DLAT: variants seen among roughly 807,000 people sequenced by gnomAD.
DLAT encodes dihydrolipoamide S-acetyltransferase.
Under a neutral mutation model 68.0 loss-of-function variants are expected in DLAT, and 43 were observed. The ratio of observed to expected loss-of-function variants is 0.63; its 90% CI spans 0.50 to 0.81. DLAT has a LOEUF of 0.81. DLAT is among the 40% of genes least tolerant of loss of function. DLAT has a pLI of 0.00. For missense variants in DLAT, 745 were observed against 815.4 expected, an observed-to-expected ratio of 0.91 and a Z score of 1.05; for synonymous variants, 265 against 288.6, an observed-to-expected ratio of 0.92 and a Z score of 0.83.
At chr11:112,060,488 CTT>C (rs1158902768) in intron 12 of DLAT, among the ~76,000 whole-genome samples, 3 of 151,760 alleles carry the variant, frequency 2.0e-5, no homozygotes, top group African/African-American at 7.3e-5. Flanking sequence ...GAGTCTCACT[CTT>C]GTCACCCAGG....
At chr11:112,028,421 A>T in intron 2 of DLAT, 94 bp from the exon 3 acceptor site, 1 of 60,560 alleles carries the variant, frequency 1.7e-5, no homozygotes, top group Non-Finnish European at 2.9e-5. Context: ...TCTGTGTCTC[A>T]AAAAAAAAAA....
intron 2 of DLAT, among the ~76,000 whole-genome samples, chr11:112,027,243 G>T (rs1196004712): frequency 6.7e-6 from 1 of 149,626 alleles, no homozygotes; most frequent in African/African-American, 2.5e-5. Flanking sequence ...GGGAAGAGAC[G>T]CTCCTCACCT....
intron 5 of DLAT, among the ~76,000 whole-genome samples, chr11:112,036,199 G>GGT (rs1862749201): frequency 1.9e-5 from 1 of 51,898 alleles, no homozygotes; most frequent in Admixed American, 3.1e-4. Context: ...GTGTGTGTGT[G>GGT]TGTTTTTTTT....
At chr11:112,025,842 C>A in intron 1 of DLAT, 91 bp downstream of exon 1, 1 of 1,500,042 alleles carries the variant, frequency 6.7e-7, no homozygotes. Context: ...CTCACTGATC[C>A]TCCACCCATT....
chr11:112,053,753 CTTAAACACAGCTT>C (rs1352250181), intron 11 of DLAT, among the ~76,000 whole-genome samples: 3 of 152,150 alleles, frequency 2.0e-5, no homozygotes, highest in Non-Finnish European at 4.4e-5. Flanking sequence ...ACGCCCAGCC[CTTAAACACAGCTT>C]TTAAACTATT....
intron 4 of DLAT, chr11:112,029,926 G>T: frequency 1.4e-6 from 1 of 735,976 alleles, no homozygotes; most frequent in Non-Finnish European, 2.4e-6. Flanking sequence ...ATCACTAGAA[G>T]TCCATCAGTG....
chr11:112,064,282 G>A lies in DLAT; in HGVS notation c.*1747G>A, dbSNP rs1864819058. 1.4e-6 allele frequency: 2 copies of A among 1,405,054 alleles called. No homozygotes were observed. The highest frequency in any genetic ancestry group is 1.9e-6 in the Non-Finnish European group (2 of 1,044,452). The allele number at this position is 1,405,054 out of a possible 1,614,324, so 87.0% of individuals were successfully genotyped here. A position where few individuals can be genotyped will look rare whatever the true frequency, so the allele number is the denominator to read the frequency against. The stretch of plus-strand genomic sequence containing the variant: ...ACATTGTTGAGTTAAAAATTAATCT[G>A]AGCTATAATCTAAATCGATTCAGTC... On this transcript the variant is annotated 3_prime_UTR_variant, in exon 14 of 14. Coordinates refer to ENST00000280346, the MANE Select transcript of DLAT (RefSeq NM_001931.5).
chr11:112,025,710 TCGCCCGGC>T lies in DLAT; in HGVS notation c.243_250del (p.Gly82LeufsTer37), dbSNP rs1555179158. The T allele has an allele frequency of 6.2e-7, 1 of 1,612,508 alleles. No homozygotes were observed. Among genetic ancestry groups the T allele is most frequent in the East Asian group, 2.2e-5 (1 of 44,856 alleles). ...CCGCTTACTGCTGCAGCTTTTGGGG[TCGCCCGGC>T]CGCCGCTATTACAGTCTTCCCCCGC... is the stretch of plus-strand genomic sequence containing the variant. On this transcript the variant is annotated frameshift_variant, in exon 1 of 14. Coordinates refer to ENST00000280346, the MANE Select transcript of DLAT (RefSeq NM_001931.5). LOFTEE classifies it high-confidence loss of function.
intron 10 of DLAT, among the ~76,000 whole-genome samples, chr11:112,050,523 GT>G (rs782515531): frequency 7.2e-5 from 11 of 152,086 alleles, no homozygotes. Context: ...TACATGGGTA[GT>G]TTTTAAATTA....
chr11:112,035,889 C>G (rs1288778054), intron 5 of DLAT, among the ~76,000 whole-genome samples: 15 of 148,344 alleles, frequency 1.0e-4, no homozygotes, highest in African/African-American at 3.3e-4. Flanking sequence ...CTCCCGGGTT[C>G]AAGCAATTCT....
Position 112,064,185 on chromosome 11 carries a change from AT to A in DLAT, c.*1652del, listed in dbSNP as rs1555183607. On this transcript the variant is annotated 3_prime_UTR_variant, in exon 14 of 14. Coordinates refer to ENST00000280346, the MANE Select transcript of DLAT (RefSeq NM_001931.5). ...TCAAACATTCAAAACTTCAAAGATA[AT>A]TCATCTTTCGCTAATGCTTGTGGTT... The A allele has an allele frequency of 1.3e-6, 2 of 1,571,622 alleles. No individual in the cohort carries two copies. Among genetic ancestry groups the A allele is most frequent in the Admixed American group, 3.8e-5 (2 of 52,664 alleles).
intron 6 of DLAT, among the ~76,000 whole-genome samples, chr11:112,038,430 C>T (rs1234332140): frequency 2.0e-5 from 3 of 151,470 alleles, no homozygotes; most frequent in Non-Finnish European, 4.4e-5. Flanking sequence ...AACTCCTGAC[C>T]TCAGGTGATC....
intron 10 of DLAT, among the ~76,000 whole-genome samples, chr11:112,049,583 T>C (rs1215201462): frequency 6.6e-6 from 1 of 152,150 alleles, no homozygotes; most frequent in Non-Finnish European, 1.5e-5. Flanking sequence ...TTTTTTTTTT[T>C]TTTTAAGACT....
intron 5 of DLAT, among the ~76,000 whole-genome samples, chr11:112,035,101 G>A (rs782501572): frequency 7.2e-5 from 11 of 152,110 alleles, no homozygotes; most frequent in Non-Finnish European, 1.6e-4. Flanking sequence ...CACCACCAAA[G>A]GGAAGCCTTT....
At position 112,057,545 on chromosome 11, in the gene DLAT, G is replaced by A. The variant is rs117170273; in HGVS notation, c.1515-2358G>A. ...TTGTTGCTGATACGGAGAAAGTTTTGAGTGGTCTAGATAAAAGATTAAACC... is the reference window on the plus strand; with the variant it reads ...TTGTTGCTGATACGGAGAAAGTTTTAAGTGGTCTAGATAAAAGATTAAACC... On this transcript the variant is annotated intron_variant, in intron 11 of 13. Transcript: ENST00000280346. 6.9e-3 allele frequency among the ~76,000 whole-genome samples: 1,048 copies of A among 152,306 alleles called. 5 individuals are homozygous for A. Among genetic ancestry groups the A allele is most frequent in the Middle Eastern group, 0.051 (15 of 294 alleles).
intron 3 of DLAT, 68 bp from the exon 4 acceptor site, chr11:112,028,724 T>C: frequency 6.2e-7 from 1 of 1,613,902 alleles, no homozygotes. Context: ...TTAAAGACTA[T>C]TTTTTAAGAC....
chr11:112,060,574 C>T (rs1437911578), intron 12 of DLAT, among the ~76,000 whole-genome samples: 3 of 152,158 alleles, frequency 2.0e-5, no homozygotes, highest in African/African-American at 4.8e-5. Flanking sequence ...CCTACCTCTG[C>T]CTCCTGAGTA....
At position 112,048,587 on chromosome 11, in the gene DLAT, G is replaced by A. The variant is rs1056113518; in HGVS notation, c.1398+2617G>A. Among the ~76,000 whole-genome samples the A allele has an allele frequency of 7.9e-5, 12 of 152,172 alleles. 1 individual carries two copies. Among genetic ancestry groups the A allele is most frequent in the African/African-American group, 2.9e-4 (12 of 41,432 alleles). ...CTCACTCTGTTGCCCAGACTGGGGT[G>A]CAGTGGCGTGATCTTGGCTTACTGC... On this transcript the variant is annotated intron_variant, in intron 10 of 13. Coordinates refer to ENST00000280346, the MANE Select transcript of DLAT (RefSeq NM_001931.5).
chr11:112,037,468 T>C lies in DLAT; in HGVS notation c.975+8T>C. 6.2e-7 allele frequency: 1 copy of C among 1,613,288 alleles called. No individual in the cohort carries two copies. Among genetic ancestry groups the C allele is most frequent in the Non-Finnish European group, 8.5e-7 (1 of 1,179,186 alleles). On this transcript the variant is annotated splice_region_variant and intron_variant, in intron 6 of 13. Coordinates refer to ENST00000280346, the MANE Select transcript of DLAT (RefSeq NM_001931.5). The stretch of plus-strand genomic sequence containing the variant: ...CCACCTACCCCACCCCCGGTAGGTA[T>C]GCTTCTAGAATTCAGGAAACACTTA...
Sources: allele counts gnomAD v4.1 joint callset (sites outside exome capture counted in the v4.1 genomes callset), GRCh38; gene constraint gnomAD v4.1.1; transcripts MANE v1.5; gene names NCBI Gene and HGNC (gene_info 2026-07-23, HGNC 2026-07-21).